LTBP1: variants seen among roughly 807,000 people sequenced by gnomAD.
The protein encoded by LTBP1 is latent transforming growth factor beta binding protein 1.
Under a neutral mutation model 207.6 loss-of-function variants are expected in LTBP1, and 129 were observed. That is an observed-to-expected ratio of 0.62 (90% confidence interval 0.54 to 0.72). The LOEUF (loss-of-function observed/expected upper bound fraction) is 0.72, where lower values mean the gene tolerates loss of function less well. Among genes scored for constraint, LTBP1 ranks in the 30% least tolerant of loss-of-function variants. The pLI is 0.00. For synonymous variants in LTBP1, 963 were observed against 833.7 expected (o/e 1.16, Z -2.67); for missense variants, 2,281 against 2,217.2 (o/e 1.03, Z -0.58).
intron 26 of LTBP1, among the ~76,000 whole-genome samples, chr2:33,347,841 C>G (rs1035524806): frequency 2.0e-5 from 3 of 152,202 alleles, no homozygotes; most frequent in Admixed American, 2.0e-4. Flanking sequence ...ATGGCACCAT[C>G]TCATTAAGTT....
chr2:32,990,136 T>C (rs1053041063), intron 2 of LTBP1, among the ~76,000 whole-genome samples: 18 of 152,144 alleles, frequency 1.2e-4, no homozygotes, highest in African/African-American at 4.3e-4. Context: ...CAAGTGTAAG[T>C]CCTGCATTTC....
intron 2 of LTBP1, among the ~76,000 whole-genome samples, chr2:32,976,639 C>A (rs956178101): frequency 6.6e-6 from 1 of 152,160 alleles, no homozygotes; most frequent in East Asian, 1.9e-4. Flanking sequence ...TTGGAGGAGG[C>A]CCCTCCAATC....
At chr2:33,361,084 C>T (rs1222128466) in intron 27 of LTBP1, among the ~76,000 whole-genome samples, 1 of 152,194 alleles carries the variant, frequency 6.6e-6, no homozygotes, top group Non-Finnish European at 1.5e-5. Context: ...TTATTCGTAA[C>T]TAAAGCTTGT....
At chr2:33,359,607 T>C (rs1415697864) in intron 26 of LTBP1, among the ~76,000 whole-genome samples, 1 of 152,190 alleles carries the variant, frequency 6.6e-6, no homozygotes, top group African/African-American at 2.4e-5. Flanking sequence ...AATATTTCAT[T>C]AGAATTAATC....
Position 33,398,534 on chromosome 2 carries a change from G to T in LTBP1, c.5155G>T (p.Asp1719Tyr). 1 of 1,613,782 alleles carries T rather than the reference G, an allele frequency of 6.2e-7. No homozygotes were observed. The highest frequency in any genetic ancestry group is 8.5e-7 in the Non-Finnish European group (1 of 1,179,848). Residue 1719 changes from aspartate (D) to tyrosine (Y), a missense_variant, in exon 34 of 34, where the codon GAC (aspartate) becomes TAC (tyrosine). Physicochemically the swap from Asp to Tyr is radical, Grantham distance 160 (BLOSUM62 -3). Transcript: ENST00000404816. ...NTALNLEKDS[D>Y]LE ...CGCCTTGAATTTAGAGAAAGACAGTGACCTGGAGTGAAACAGAATCTACAT... is the reference window on the plus strand; with the variant it reads ...CGCCTTGAATTTAGAGAAAGACAGTTACCTGGAGTGAAACAGAATCTACAT...
In LTBP1 at chr2:33,144,597, T is replaced by C. The variant is rs563541906; in HGVS notation, c.1201+9637T>C. Among the ~76,000 whole-genome samples the C allele has an allele frequency of 1.1e-3, 172 of 152,366 alleles. No homozygotes were observed. In the Middle Eastern group the frequency reaches 0.017, roughly 15 times the overall value. ...ATGATTATAACATTTGATCCTACTT[T>C]GTGCTATTCAGTTTGCTGTTGGTTG... On this transcript the variant is annotated intron_variant, in intron 5 of 33. Coordinates refer to ENST00000404816, the MANE Select transcript of LTBP1 (RefSeq NM_206943.4).
At chr2:33,388,761 G>A (rs191563762) in intron 31 of LTBP1, among the ~76,000 whole-genome samples, 100 of 152,238 alleles carry the variant, frequency 6.6e-4, no homozygotes, top group African/African-American at 2.3e-3. Flanking sequence ...ATTTATTCCT[G>A]TCTCTAGAGA....
At chr2:33,019,679 A>C (rs1233298545) in intron 2 of LTBP1, among the ~76,000 whole-genome samples, 1 of 151,322 alleles carries the variant, frequency 6.6e-6, no homozygotes, top group Admixed American at 6.6e-5. Flanking sequence ...CATAAAACCT[A>C]CTTACTCTAC....
chr2:33,103,024 A>T (rs1386128154), intron 3 of LTBP1, among the ~76,000 whole-genome samples: 4 of 149,338 alleles, frequency 2.7e-5, no homozygotes, highest in Non-Finnish European at 5.9e-5. Context: ...TGCTGTATGC[A>T]TTGTCTGTAT....
At chr2:33,170,039 A>T (rs1003328963) in intron 5 of LTBP1, among the ~76,000 whole-genome samples, 8 of 152,356 alleles carry the variant, frequency 5.3e-5, no homozygotes, top group African/African-American at 1.4e-4. Flanking sequence ...ATGGCCGAAT[A>T]GGAACAGCTC....
At chr2:33,293,503 C>G (rs1256369210) in intron 20 of LTBP1, among the ~76,000 whole-genome samples, 1 of 152,120 alleles carries the variant, frequency 6.6e-6, no homozygotes, top group East Asian at 1.9e-4. Context: ...TAGAGAGTGT[C>G]TGTGAGCCAC....
intron 4 of LTBP1, among the ~76,000 whole-genome samples, chr2:33,114,423 C>A (rs565381798): frequency 6.6e-6 from 1 of 152,268 alleles, no homozygotes; most frequent in African/African-American, 2.4e-5. Flanking sequence ...TTTGCCAATT[C>A]TTGATCTAGA....
intron 10 of LTBP1, among the ~76,000 whole-genome samples, chr2:33,247,472 T>G (rs993892160): frequency 1.3e-5 from 2 of 152,248 alleles, no homozygotes; most frequent in Non-Finnish European, 2.9e-5. Context: ...AATCTGTTTG[T>G]TTTTGAAAAT....
chr2:33,226,550 C>A (rs2091447388), intron 9 of LTBP1, among the ~76,000 whole-genome samples: 2 of 152,242 alleles, frequency 1.3e-5, no homozygotes, highest in African/African-American at 2.4e-5. Context: ...CGTACAGCAA[C>A]AGTAGCCATC....
intron 7 of LTBP1, among the ~76,000 whole-genome samples, chr2:33,213,851 A>G (rs966494392): frequency 2.6e-5 from 4 of 152,200 alleles, no homozygotes; most frequent in African/African-American, 7.2e-5. Context: ...CCATTTATTT[A>G]AACAATTTGG....
chr2:33,195,896 C>T (rs867968073), intron 7 of LTBP1, among the ~76,000 whole-genome samples: 2 of 152,152 alleles, frequency 1.3e-5, no homozygotes. Flanking sequence ...AACCCCCATC[C>T]TGATTGGTTG....
At chr2:33,102,446 G>T (rs1407874382) in intron 3 of LTBP1, among the ~76,000 whole-genome samples, 1 of 152,172 alleles carries the variant, frequency 6.6e-6, no homozygotes, top group African/African-American at 2.4e-5. Context: ...CACTGGTAAA[G>T]GAAGATTTGG....
chr2:33,009,270 T>C (rs1413035162), intron 2 of LTBP1, among the ~76,000 whole-genome samples: 1 of 152,130 alleles, frequency 6.6e-6, no homozygotes, highest in Non-Finnish European at 1.5e-5. Flanking sequence ...ATGTGTGTTA[T>C]GATGAAAACA....
At chr2:33,361,334 A>T (rs2094924927) in intron 27 of LTBP1, 95 bp from the exon 28 acceptor site, 1 of 697,100 alleles carries the variant, frequency 1.4e-6, no homozygotes, top group Admixed American at 2.7e-5. Context: ...AATTGCCTTA[A>T]AGTTACTGAG....
Sources: gnomAD v4.1 joint callset for allele counts (sites outside exome capture counted in the v4.1 genomes callset) on GRCh38, gnomAD v4.1.1 for gene constraint, MANE v1.5 for transcripts, NCBI Gene and HGNC (gene_info 2026-07-23, HGNC 2026-07-21) for gene names.